The following CDH4 variants were observed in gnomAD, a reference collection of about 807,000 sequenced individuals.
CDH4 encodes the protein cadherin-4.
In CDH4, 33 loss-of-function variants were observed where a neutral mutation model predicts 86.0. The ratio of observed to expected loss-of-function variants is 0.38; its 90% confidence interval spans 0.29 to 0.51. The LOEUF (loss-of-function observed/expected upper bound fraction) is 0.51. Ranked by LOEUF, CDH4 falls within the 20% of genes least tolerant of loss-of-function variation. The probability of loss-of-function intolerance (pLI) is 0.86; values close to 1 mark genes in which losing one functional copy is unlikely to be tolerated. For missense variants in CDH4, 1,114 were observed against 1,307.4 expected, an observed-to-expected ratio of 0.85 and a Z score of 2.28; for synonymous variants, 555 against 549.4, an observed-to-expected ratio of 1.01 and a Z score of -0.14.
intron 2 of CDH4, among the ~76,000 whole-genome samples, chr20:61,271,169 C>G (rs1437787649): frequency 6.6e-6 from 1 of 152,160 alleles, no homozygotes; most frequent in Non-Finnish European, 1.5e-5. Flanking sequence ...AAGGGATGGA[C>G]TGGGGGGCTG....
intron 2 of CDH4, among the ~76,000 whole-genome samples, chr20:61,461,040 G>A (rs905180261): frequency 2.0e-5 from 3 of 152,132 alleles, no homozygotes; most frequent in African/African-American, 7.2e-5. Flanking sequence ...GGGAGAATTT[G>A]CTGAAGACCA....
At chr20:61,816,089 G>A (rs927882212) in intron 4 of CDH4, among the ~76,000 whole-genome samples, 7 of 152,150 alleles carry the variant, frequency 4.6e-5, no homozygotes, top group East Asian at 3.9e-4. Context: ...CAAGCACCCC[G>A]CAGAAGGGCA....
At chr20:61,565,308 TGGTGGTGGC>T (rs1568688931) in intron 2 of CDH4, among the ~76,000 whole-genome samples, 1 of 62,118 alleles carries the variant, frequency 1.6e-5, no homozygotes, top group Non-Finnish European at 3.4e-5. Flanking sequence ...GCGGTGCTCT[TGGTGGTGGC>T]GGTGCTCTTG....
chr20:61,467,526 G>A (rs1201409905), intron 2 of CDH4, among the ~76,000 whole-genome samples: 1 of 152,206 alleles, frequency 6.6e-6, no homozygotes, highest in Non-Finnish European at 1.5e-5. Context: ...GGAGGCCAAG[G>A]CCGAAGGATC....
At chr20:61,557,383 C>T (rs759248234) in intron 2 of CDH4, among the ~76,000 whole-genome samples, 3 of 152,214 alleles carry the variant, frequency 2.0e-5, no homozygotes, top group African/African-American at 4.8e-5. Context: ...GTTTGCCGAC[C>T]GTTGGCTGAT....
intron 2 of CDH4, among the ~76,000 whole-genome samples, chr20:61,466,595 G>A (rs751629497): frequency 5.3e-5 from 8 of 152,226 alleles, no homozygotes; most frequent in East Asian, 1.9e-4. Flanking sequence ...TATAATCTTA[G>A]CACTTTGGAA....
At chr20:61,590,490 T>C (rs570905203) in intron 2 of CDH4, among the ~76,000 whole-genome samples, 4 of 152,180 alleles carry the variant, frequency 2.6e-5, no homozygotes, top group Non-Finnish European at 5.9e-5. Flanking sequence ...GGCTGACTCT[T>C]TGACAAGAGT....
chr20:61,917,514 C>A (rs1356949988), intron 9 of CDH4, among the ~76,000 whole-genome samples: 1 of 152,248 alleles, frequency 6.6e-6, no homozygotes, highest in African/African-American at 2.4e-5. Context: ...CCAGGGAGAG[C>A]AGGTCAGTGA....
chr20:61,754,250 G>A lies in CDH4; in HGVS notation c.396+10461G>A, dbSNP rs1276430013. Among the ~76,000 whole-genome samples, 2 of 152,178 alleles carry A rather than the reference G, an allele frequency of 1.3e-5. No homozygotes were observed. The highest frequency in any genetic ancestry group is 3.9e-4 in the East Asian group (2 of 5,192). ...TCAGCCCACTGGCTTGTGGACCAGA[G>A]CCTTTCAGCCGAGGTGGAGACTCAG... On this transcript the variant is annotated intron_variant, in intron 3 of 15. Transcript: ENST00000614565. This position sits in a 1 kb window ranked among gnomAD's most constrained non-coding sequence, Gnocchi z 4.7.
chr20:61,578,876 A>G (rs748194605), intron 2 of CDH4, among the ~76,000 whole-genome samples: 34 of 152,194 alleles, frequency 2.2e-4, no homozygotes, highest in Non-Finnish European at 4.4e-4. Flanking sequence ...TCAAGCAATA[A>G]GACAACAGAC....
chr20:61,429,561 G>A (rs969032813), intron 2 of CDH4, among the ~76,000 whole-genome samples: 3 of 152,056 alleles, frequency 2.0e-5, no homozygotes, highest in East Asian at 1.9e-4. Flanking sequence ...ATGGATGGGT[G>A]GATGGATAGG....
At chr20:61,660,881 C>G (rs1439478824) in intron 2 of CDH4, among the ~76,000 whole-genome samples, 3 of 152,152 alleles carry the variant, frequency 2.0e-5, no homozygotes, top group African/African-American at 7.2e-5. Context: ...GGCAGCTCCA[C>G]CTGGGCAGCC....
intron 7 of CDH4, among the ~76,000 whole-genome samples, chr20:61,881,316 G>C (rs940823514): frequency 9.8e-5 from 15 of 152,376 alleles, no homozygotes; most frequent in African/African-American, 3.4e-4. Context: ...TGGAGTCTGA[G>C]AGGAGGCTCC....
chr20:61,619,316 CTG>C (rs2086750819), intron 2 of CDH4, among the ~76,000 whole-genome samples: 1 of 152,234 alleles, frequency 6.6e-6, no homozygotes, highest in African/African-American at 2.4e-5. Flanking sequence ...TCCTTCACCT[CTG>C]TGCTTCCTGC....
chr20:61,742,555 G>A (rs921643412), intron 2 of CDH4, among the ~76,000 whole-genome samples: 5 of 151,248 alleles, frequency 3.3e-5, no homozygotes, highest in Non-Finnish European at 7.4e-5. Context: ...AAAATTGCTT[G>A]AAAAACCAAT....
Position 61,663,883 on chromosome 20 carries a change from C to A in CDH4, c.170-79680C>A, listed in dbSNP as rs893922876. Among the ~76,000 whole-genome samples the A allele has an allele frequency of 2.1e-4, 32 of 152,282 alleles. No homozygotes were observed. The highest frequency in any genetic ancestry group is 7.2e-4 in the African/African-American group (30 of 41,560). Reference sequence around the variant, plus strand: ...CGAGGCCGCCCTGGCCCTCCACACTCCCACCGCTGGCGCCAGCATCTGTGC... The same window carrying A: ...CGAGGCCGCCCTGGCCCTCCACACTACCACCGCTGGCGCCAGCATCTGTGC... On this transcript the variant is annotated intron_variant, in intron 2 of 15. Coordinates refer to ENST00000614565, the MANE Select transcript of CDH4 (RefSeq NM_001794.5). This position sits in a 1 kb window ranked among gnomAD's most constrained non-coding sequence, Gnocchi z 5.0.
intron 2 of CDH4, among the ~76,000 whole-genome samples, chr20:61,701,511 G>A (rs11699087): frequency 0.25 from 38,371 of 152,210 alleles, 6,527 homozygotes; most frequent in Non-Finnish European, 0.36. Flanking sequence ...GCCTCCAAGC[G>A]ATCAGGACAT....
intron 7 of CDH4, among the ~76,000 whole-genome samples, chr20:61,887,063 C>T (rs1257496661): frequency 6.6e-6 from 1 of 152,226 alleles, no homozygotes; most frequent in East Asian, 1.9e-4. Flanking sequence ...TTTGCAGGAG[C>T]TCCCATGACC....
At chr20:61,804,178 A>G (rs1450540851) in intron 4 of CDH4, among the ~76,000 whole-genome samples, 2 of 152,228 alleles carry the variant, frequency 1.3e-5, no homozygotes, top group African/African-American at 4.8e-5. Flanking sequence ...TGGCGGCCTG[A>G]GAGCCGCCCG....
Sources: allele counts gnomAD v4.1 joint callset (sites outside exome capture counted in the v4.1 genomes callset), GRCh38; gene constraint gnomAD v4.1.1; non-coding constraint Gnocchi (gnomAD v3.1); transcripts MANE v1.5; gene names NCBI Gene and HGNC (gene_info 2026-07-23, HGNC 2026-07-21).